The following MYO16 variants were observed in gnomAD, a reference collection of about 807,000 sequenced individuals.
MYO16 encodes the protein unconventional myosin-XVI.
MYO16 carries 94 observed loss-of-function variants against 205.3 expected under a neutral mutation model. That is an observed-to-expected ratio of 0.46 (90% CI 0.39 to 0.54). The LOEUF is 0.54. Ranked by LOEUF, MYO16 falls within the 20% of genes least tolerant of loss-of-function variation. The pLI, the probability that MYO16 is intolerant of heterozygous loss-of-function variation, is 0.00. For synonymous variants in MYO16, 988 were observed against 954.0 expected, an observed-to-expected ratio of 1.04 and a Z score of -0.66; for missense variants, 2,315 against 2,387.5, an observed-to-expected ratio of 0.97 and a Z score of 0.63.
chr13:108,648,697 A>T (rs1177468531), intron 1 of MYO16, among the ~76,000 whole-genome samples: 1 of 152,124 alleles, frequency 6.6e-6, no homozygotes, highest in Non-Finnish European at 1.5e-5. Context: ...GGCACAAAGA[A>T]ATCGATCTTT....
At chr13:108,509,256 T>TATGATACTTGCACAAC in the MYO16 span, among the ~76,000 whole-genome samples, 3 of 150,570 alleles carry the variant, frequency 2.0e-5, no homozygotes, top group African/African-American at 7.4e-5. Flanking sequence ...ACTTGCACAG[T>TATGATACTTGCACAAC]ATGATACTTG....
At chr13:108,942,513 CAT>C (rs1882773859) in intron 16 of MYO16, among the ~76,000 whole-genome samples, 1 of 152,092 alleles carries the variant, frequency 6.6e-6, no homozygotes, top group Non-Finnish European at 1.5e-5. Flanking sequence ...AAAAAAAACT[CAT>C]ATTTTAAATA....
intron 23 of MYO16, 135 bp downstream of exon 23, chr13:109,020,046 A>G (rs776374819): frequency 2.3e-5 from 19 of 831,582 alleles, no homozygotes; most frequent in Non-Finnish European, 3.3e-5. Flanking sequence ...CACAACATGT[A>G]CTTTTCTAAG....
intron 16 of MYO16, among the ~76,000 whole-genome samples, chr13:108,947,854 G>A (rs894412946): frequency 9.9e-5 from 15 of 152,220 alleles, no homozygotes; most frequent in South Asian, 4.1e-4. Context: ...CACAAGACCC[G>A]AAGACTTTCT....
rs1256730962 is a variant in MYO16, at chr13:109,100,694, G to A, written c.3336-91G>A. On this transcript the variant is annotated intron_variant, in intron 27 of 34. Coordinates refer to ENST00000457511, the MANE Select transcript of MYO16 (RefSeq NM_001198950.3). ...GATAAAGAAAGACGGGGAAACTTTT[G>A]GGAAACGATGTAACAAAGACAGCCC... is the stretch of plus-strand genomic sequence containing the variant. 1.1e-5 allele frequency: 11 copies of A among 991,470 alleles called. No individual in the cohort carries two copies. The East Asian group carries it at 2.8e-4, about 25-fold the overall frequency. The allele number at this position is 991,470 out of a possible 1,614,324, so 61.4% of individuals were successfully genotyped here.
intron 16 of MYO16, among the ~76,000 whole-genome samples, chr13:108,943,050 A>G (rs189858585): frequency 3.3e-5 from 5 of 152,342 alleles, no homozygotes; most frequent in Admixed American, 3.3e-4. Context: ...AAGGATATCA[A>G]TTGGTGAATG....
intron 10 of MYO16, among the ~76,000 whole-genome samples, chr13:108,848,791 T>G (rs7983596): frequency 0.63 from 95,375 of 152,042 alleles, 30,494 homozygotes; most frequent in Middle Eastern, 0.68. Context: ...CTCCAGCATG[T>G]ACTATAAAGT....
chr13:108,831,088 G>C (rs1013250319), intron 9 of MYO16, among the ~76,000 whole-genome samples: 2 of 151,996 alleles, frequency 1.3e-5, no homozygotes, highest in African/African-American at 4.8e-5. Context: ...TTTTATAGAG[G>C]CTTTAATCCT....
chr13:109,011,186 T>C (rs1217589560), intron 22 of MYO16, among the ~76,000 whole-genome samples: 1 of 152,014 alleles, frequency 6.6e-6, no homozygotes, highest in Non-Finnish European at 1.5e-5. Context: ...TGAGGTGGGT[T>C]AGCTTGCTTT....
chr13:109,032,386 G>A (rs542748470), intron 23 of MYO16, among the ~76,000 whole-genome samples: 12 of 152,162 alleles, frequency 7.9e-5, no homozygotes, highest in East Asian at 1.9e-4. Flanking sequence ...CCACATCGTC[G>A]CACATATCCC....
rs1011025795 is a variant in MYO16, at chr13:109,182,766, TA to T, written c.5415+3141del. Among the ~76,000 whole-genome samples, 4 of 152,168 alleles carry T rather than the reference TA, an allele frequency of 2.6e-5. No homozygotes were observed. In the South Asian group the frequency reaches 6.2e-4, roughly 24 times the overall value. On this transcript the variant is annotated intron_variant, in intron 34 of 34. Coordinates refer to ENST00000457511, the MANE Select transcript of MYO16 (RefSeq NM_001198950.3). Reference sequence around the variant, plus strand: ...CCTTAATATACGGTGGTTGTTTATGTAAAAAAAATATAGAAAATATAGTTGA... The same window carrying T: ...CCTTAATATACGGTGGTTGTTTATGTAAAAAAATATAGAAAATATAGTTGA...
intron 15 of MYO16, among the ~76,000 whole-genome samples, chr13:108,908,496 T>C (rs1410743791): frequency 1.3e-5 from 2 of 152,216 alleles, no homozygotes. Flanking sequence ...AGTGCTGGAC[T>C]TTAGAATAAT....
At position 109,164,898 on chromosome 13, in the gene MYO16, T is replaced by C. The variant is rs1238629866; in HGVS notation, c.5165-3T>C. 1 of 1,545,724 alleles carries C rather than the reference T, an allele frequency of 6.5e-7. No individual in the cohort carries two copies. Among genetic ancestry groups the C allele is most frequent in the Non-Finnish European group, 8.7e-7 (1 of 1,144,608 alleles). On this transcript the variant is annotated splice_region_variant and splice_polypyrimidine_tract_variant and intron_variant, in intron 32 of 34. Coordinates refer to ENST00000457511, the MANE Select transcript of MYO16 (RefSeq NM_001198950.3). ...TAATTATGTTTTCTAAAATTTATTT[T>C]AGGTTTTGAAACTAACATGAACATA...
At chr13:108,708,696 G>T (rs1012390589) in intron 2 of MYO16, among the ~76,000 whole-genome samples, 9 of 152,196 alleles carry the variant, frequency 5.9e-5, no homozygotes, top group Non-Finnish European at 1.0e-4. Flanking sequence ...GAGCCACTGT[G>T]GTGGAGATTG....
Position 109,162,752 on chromosome 13 carries a change from A to C in MYO16, c.5165-2149A>C, listed in dbSNP as rs929335731. 1.3e-5 allele frequency among the ~76,000 whole-genome samples: 2 copies of C among 152,168 alleles called. No homozygotes were observed. The highest frequency in any genetic ancestry group is 4.8e-5 in the African/African-American group (2 of 41,434). On this transcript the variant is annotated intron_variant, in intron 32 of 34. Coordinates refer to ENST00000457511, the MANE Select transcript of MYO16 (RefSeq NM_001198950.3). This position sits in a 1 kb window ranked among gnomAD's most constrained non-coding sequence, Gnocchi z 4.6. ...ATAAATAACTGAATTAAAGAGTGCA[A>C]AAATAAAATAGGTGAAAGCAACATA... is the stretch of plus-strand genomic sequence containing the variant.
At chr13:109,114,235 G>A (rs114225283) in intron 28 of MYO16, among the ~76,000 whole-genome samples, 2,251 of 152,206 alleles carry the variant, frequency 0.015, 53 homozygotes, top group African/African-American at 0.05. Context: ...ACAGACCACC[G>A]TCACCGACAT....
At chr13:108,769,408 G>T (rs1272451751) in intron 4 of MYO16, among the ~76,000 whole-genome samples, 1 of 152,176 alleles carries the variant, frequency 6.6e-6, no homozygotes, top group Non-Finnish European at 1.5e-5. Flanking sequence ...AGTTCAGAGA[G>T]AGGGTTGGGA....
chr13:108,767,467 A>G (rs9587681), intron 4 of MYO16, among the ~76,000 whole-genome samples: 10,389 of 152,140 alleles, frequency 0.068, 610 homozygotes, highest in East Asian at 0.24. Context: ...AGGACATGGT[A>G]CATTTTTTTC....
chr13:108,981,136 G>A (rs991977474), intron 20 of MYO16, among the ~76,000 whole-genome samples: 2 of 152,220 alleles, frequency 1.3e-5, no homozygotes, highest in African/African-American at 4.8e-5. Flanking sequence ...TATTTCAAAT[G>A]AAATTGTTTT....
Sources: allele counts gnomAD v4.1 joint callset (sites outside exome capture counted in the v4.1 genomes callset), GRCh38; gene constraint gnomAD v4.1.1; non-coding constraint Gnocchi (gnomAD v3.1); transcripts MANE v1.5; gene names NCBI Gene and HGNC (gene_info 2026-07-23, HGNC 2026-07-21).